Variants in ATP8A2 observed in about 807,000 individuals in gnomAD.
ATP8A2 encodes the protein phospholipid-transporting ATPase IB.
ATP8A2 carries 100 observed loss-of-function variants against 165.6 expected under a neutral mutation model. The observed-to-expected ratio is 0.60, with a 90% CI of 0.51 to 0.71. The LOEUF (loss-of-function observed/expected upper bound fraction) is 0.71, where lower values mean the gene tolerates loss of function less well. Among genes scored for constraint, ATP8A2 ranks in the 30% least tolerant of loss-of-function variants. The probability of loss-of-function intolerance (pLI) is 0.00; values close to 1 mark genes in which losing one functional copy is unlikely to be tolerated. For missense variants in ATP8A2, 1,227 were observed against 1,479.5 expected (o/e 0.83, Z 2.80); for synonymous variants, 543 against 548.8 (o/e 0.99, Z 0.15).
At chr13:25,915,253 C>CT (rs1252364974) in intron 33 of ATP8A2, among the ~76,000 whole-genome samples, 1 of 152,200 alleles carries the variant, frequency 6.6e-6, no homozygotes, top group African/African-American at 2.4e-5. Flanking sequence ...ACTGTGTTAC[C>CT]ATCAACGGGT....
rs183029460 is a variant in ATP8A2 at position 25,460,299 on chromosome 13, A to C, written c.77-8678A>C. 2.6e-4 allele frequency among the ~76,000 whole-genome samples: 39 copies of C among 152,338 alleles called. 1 individual carries two copies. The East Asian group carries it at 7.1e-3, about 28-fold the overall frequency. On this transcript the variant is annotated intron_variant, in intron 1 of 36. Transcript: ENST00000381655. ...GCCCCTCTCCTAGGTTAGCTGTTCA[A>C]AGATGGTGTTCATGCATATCGAATC...
At chr13:25,655,516 A>T (rs2041909293) in intron 24 of ATP8A2, among the ~76,000 whole-genome samples, 2 of 152,140 alleles carry the variant, frequency 1.3e-5, no homozygotes, top group Admixed American at 1.3e-4. Flanking sequence ...TGAACTGGAG[A>T]TGGTAGGAAA....
chr13:25,862,758 C>G (rs1952395262), intron 33 of ATP8A2, among the ~76,000 whole-genome samples: 1 of 152,122 alleles, frequency 6.6e-6, no homozygotes, highest in Non-Finnish European at 1.5e-5. Flanking sequence ...GGTTCCTAAT[C>G]CATTGATTAT....
At chr13:25,957,327 C>A (rs571463958) in intron 33 of ATP8A2, among the ~76,000 whole-genome samples, 1 of 152,062 alleles carries the variant, frequency 6.6e-6, no homozygotes, top group African/African-American at 2.4e-5. Context: ...AGTGAACAGG[C>A]GACCTACAGA....
At chr13:25,819,799 A>G (rs904496671) in intron 27 of ATP8A2, among the ~76,000 whole-genome samples, 2 of 152,104 alleles carry the variant, frequency 1.3e-5, no homozygotes, top group Non-Finnish European at 2.9e-5. Flanking sequence ...ATATGTTTAT[A>G]TTTTATCTTA....
chr13:25,439,295 A>G (rs1392581993), intron 1 of ATP8A2, among the ~76,000 whole-genome samples: 1 of 152,202 alleles, frequency 6.6e-6, no homozygotes, highest in East Asian at 1.9e-4. Context: ...GAGGCACCTG[A>G]AATCTTCCCG....
intron 24 of ATP8A2, among the ~76,000 whole-genome samples, chr13:25,695,234 T>C (rs2042810974): frequency 6.6e-6 from 1 of 152,196 alleles, no homozygotes; most frequent in Non-Finnish European, 1.5e-5. Context: ...AAACCCAATG[T>C]GTGTGCCTTA....
At chr13:25,728,611 G>A (rs2043546745) in intron 25 of ATP8A2, among the ~76,000 whole-genome samples, 1 of 152,166 alleles carries the variant, frequency 6.6e-6, no homozygotes, top group African/African-American at 2.4e-5. Context: ...AGCCAGCATT[G>A]CAATGTACTA....
chr13:25,503,298 A>C (rs751509946), intron 2 of ATP8A2, among the ~76,000 whole-genome samples: 1 of 152,208 alleles, frequency 6.6e-6, no homozygotes, highest in Non-Finnish European at 1.5e-5. Flanking sequence ...AATCAATGAC[A>C]TACGCAAACA....
At chr13:26,014,352 G>T (rs992618527) in intron 36 of ATP8A2, among the ~76,000 whole-genome samples, 1 of 152,164 alleles carries the variant, frequency 6.6e-6, no homozygotes, top group African/African-American at 2.4e-5. Flanking sequence ...CCAAGGAGGT[G>T]GCAGATTAGT....
Position 25,506,594 on chromosome 13 carries a change from G to A in ATP8A2, c.222-23405G>A, listed in dbSNP as rs191313126. Among the ~76,000 whole-genome samples, 185 of 152,252 alleles carry A rather than the reference G, an allele frequency of 1.2e-3. 1 individual carries two copies. The highest frequency in any genetic ancestry group is 1.6e-3 in the Non-Finnish European group (107 of 68,022). ...TCTGGCCAATGAGACGGGAGCTGAG[G>A]GCATCTGAGGAAGCCCCACTTCCCG... On this transcript the variant is annotated intron_variant, in intron 2 of 36. Transcript: ENST00000381655.
intron 2 of ATP8A2, among the ~76,000 whole-genome samples, chr13:25,477,170 G>A (rs1032121122): frequency 5.9e-5 from 9 of 152,162 alleles, no homozygotes; most frequent in Non-Finnish European, 1.2e-4. Flanking sequence ...GGTGGATAAT[G>A]GAGCCCAGTT....
chr13:25,459,676 G>A (rs1387926871), intron 1 of ATP8A2, among the ~76,000 whole-genome samples: 1 of 152,224 alleles, frequency 6.6e-6, no homozygotes, highest in Non-Finnish European at 1.5e-5. Flanking sequence ...CTGAGTGACA[G>A]GAAGAAGTTA....
intron 25 of ATP8A2, among the ~76,000 whole-genome samples, chr13:25,737,017 C>G (rs2043786480): frequency 6.6e-6 from 1 of 152,066 alleles, no homozygotes; most frequent in African/African-American, 2.4e-5. Flanking sequence ...GAGATGATAA[C>G]CCACAGTGCT....
intron 4 of ATP8A2, 96 bp from the exon 5 acceptor site, chr13:25,532,176 C>G: frequency 1.0e-6 from 1 of 976,004 alleles, no homozygotes; most frequent in South Asian, 1.5e-5. Flanking sequence ...ATTTAGTTTC[C>G]TTGTCCCCTG....
intron 6 of ATP8A2, among the ~76,000 whole-genome samples, chr13:25,536,431 T>C: frequency 6.6e-6 from 1 of 152,188 alleles, no homozygotes; most frequent in East Asian, 1.9e-4. Flanking sequence ...ATTTTTTACT[T>C]TTAAAAAACA....
At chr13:25,374,959 T>C (rs76030925) in intron 1 of ATP8A2, among the ~76,000 whole-genome samples, 1 of 152,212 alleles carries the variant, frequency 6.6e-6, no homozygotes, top group Non-Finnish European at 1.5e-5. Flanking sequence ...CTGTATACTA[T>C]TTTTAAAAAT....
chr13:25,410,613 G>A (rs950726560), intron 1 of ATP8A2, among the ~76,000 whole-genome samples: 7 of 152,220 alleles, frequency 4.6e-5, no homozygotes, highest in African/African-American at 9.6e-5. Context: ...AAGGCCCTGC[G>A]TAAGGGTCAG....
chr13:25,405,750 T>C (rs2033781926), intron 1 of ATP8A2, among the ~76,000 whole-genome samples: 1 of 152,210 alleles, frequency 6.6e-6, no homozygotes, highest in African/African-American at 2.4e-5. Flanking sequence ...TGTTAAGATA[T>C]AGCATTATAT....
Sources: allele counts gnomAD v4.1 joint callset (sites outside exome capture counted in the v4.1 genomes callset), GRCh38; gene constraint gnomAD v4.1.1; transcripts MANE v1.5; gene names NCBI Gene and HGNC (gene_info 2026-07-23, HGNC 2026-07-21).